Variants in CERS6 observed in about 807,000 individuals in gnomAD.
CERS6 encodes ceramide synthase 6, also known as LAG1 homolog, ceramide synthase 6.
In CERS6, 26 loss-of-function variants were observed where a neutral mutation model predicts 56.8. The ratio of observed to expected loss-of-function variants is 0.46; its 90% CI spans 0.34 to 0.63. CERS6 has a LOEUF of 0.63. CERS6 is among the 30% of genes least tolerant of loss of function. The pLI is 0.01. For missense variants in CERS6, 415 were observed against 467.5 expected (o/e 0.89, Z 1.04); for synonymous variants, 164 against 173.3 (o/e 0.95, Z 0.42).
In CERS6 at chr2:168,771,210, C is replaced by G. The variant is rs1684853451; in HGVS notation, c.*1548C>G. 1 of 152,138 alleles carries G rather than the reference C, an allele frequency of 6.6e-6. No homozygotes were observed. Among genetic ancestry groups the G allele is most frequent in the Non-Finnish European group, 1.5e-5 (1 of 68,026 alleles). The allele number at this position is 152,138 out of a possible 1,614,324, so 9.4% of individuals were successfully genotyped here. A position where few individuals can be genotyped will look rare whatever the true frequency, so the allele number is the denominator to read the frequency against. ...TGCAGAAACACCAGAGAGTGCGTAT[C>G]CTGCTCAGAACCATTCACATTTAAT... is the stretch of plus-strand genomic sequence containing the variant. On this transcript the variant is annotated 3_prime_UTR_variant, in exon 10 of 10. Transcript: ENST00000305747.
At chr2:168,592,708 T>C (rs1683704317) in intron 3 of CERS6, among the ~76,000 whole-genome samples, 1 of 152,104 alleles carries the variant, frequency 6.6e-6, no homozygotes, top group South Asian at 2.1e-4. Flanking sequence ...CCTCAGCTGT[T>C]ACGCTGCTGT....
intron 1 of CERS6, among the ~76,000 whole-genome samples, chr2:168,488,796 A>G (rs539815625): frequency 1.1e-4 from 17 of 152,232 alleles, no homozygotes; most frequent in Admixed American, 7.8e-4. Context: ...TTAATGTTAT[A>G]TTCTTTAAGT....
chr2:168,686,702 G>T (rs767523988), intron 4 of CERS6, among the ~76,000 whole-genome samples: 31 of 152,180 alleles, frequency 2.0e-4, no homozygotes, highest in Non-Finnish European at 3.8e-4. Context: ...AGTACCCAGC[G>T]GAAGGCACAG....
intron 4 of CERS6, among the ~76,000 whole-genome samples, chr2:168,657,489 G>A (rs1324103727): frequency 6.6e-6 from 1 of 152,252 alleles, no homozygotes; most frequent in African/African-American, 2.4e-5. Context: ...TGGAGCAGGG[G>A]GTGGAGCTCG....
chr2:168,752,964 C>G (rs1684318976), intron 8 of CERS6, among the ~76,000 whole-genome samples: 1 of 152,086 alleles, frequency 6.6e-6, no homozygotes, highest in South Asian at 2.1e-4. Flanking sequence ...GAGAAGAATG[C>G]ATCTATACAA....
At chr2:168,512,841 T>C (rs1255786608) in intron 1 of CERS6, among the ~76,000 whole-genome samples, 1 of 152,030 alleles carries the variant, frequency 6.6e-6, no homozygotes, top group Non-Finnish European at 1.5e-5. Flanking sequence ...CTAAGTTTTG[T>C]ATTTTTAGTA....
intron 6 of CERS6, among the ~76,000 whole-genome samples, chr2:168,710,703 T>G (rs1687068172): frequency 6.6e-6 from 1 of 152,194 alleles, no homozygotes; most frequent in South Asian, 2.1e-4. Context: ...TTTGGTATTG[T>G]CTAACTTTAA....
chr2:168,588,099 G>A (rs1395076704), intron 3 of CERS6, among the ~76,000 whole-genome samples: 1 of 133,924 alleles, frequency 7.5e-6, no homozygotes, highest in African/African-American at 2.8e-5. Flanking sequence ...TTTTTTTTTG[G>A]TAGAGATGGG....
intron 8 of CERS6, among the ~76,000 whole-genome samples, chr2:168,725,211 C>T (rs1372120517): frequency 6.6e-6 from 1 of 152,268 alleles, no homozygotes; most frequent in East Asian, 1.9e-4. Flanking sequence ...CCGCCAAGCC[C>T]ACGCCCACCC....
chr2:168,481,966 T>A (rs1694185436), intron 1 of CERS6, among the ~76,000 whole-genome samples: 1 of 152,352 alleles, frequency 6.6e-6, no homozygotes, highest in South Asian at 2.1e-4. Flanking sequence ...TCAGAGGAAA[T>A]CTTTAAAAAC....
At chr2:168,737,436 CTCT>C (rs1342439576) in intron 8 of CERS6, among the ~76,000 whole-genome samples, 1 of 152,140 alleles carries the variant, frequency 6.6e-6, no homozygotes, top group East Asian at 1.9e-4. Context: ...AAAGTGCTAC[CTCT>C]TTCAAATTCT....
intron 3 of CERS6, among the ~76,000 whole-genome samples, chr2:168,594,038 C>T (rs372098504): frequency 1.3e-4 from 20 of 152,234 alleles, no homozygotes; most frequent in Admixed American, 5.9e-4. Context: ...TAAAAACTTT[C>T]AAAATTATTT....
In CERS6 at chr2:168,704,217, G is replaced by C. The variant is rs533896342; in HGVS notation, c.609+9166G>C. On this transcript the variant is annotated intron_variant, in intron 6 of 9. Coordinates refer to ENST00000305747, the MANE Select transcript of CERS6 (RefSeq NM_203463.3). ...GACTCAGCCACATACTGTAATTCAG[G>C]GTGCAGAAGAGTGACGACCAGGAGC... is the stretch of plus-strand genomic sequence containing the variant. 2.0e-5 allele frequency among the ~76,000 whole-genome samples: 3 copies of C among 152,212 alleles called. 1 individual carries two copies. The highest frequency in any genetic ancestry group is 6.5e-5 in the Admixed American group (1 of 15,296).
chr2:168,656,329 T>A (rs1284223801), intron 4 of CERS6, among the ~76,000 whole-genome samples: 1 of 152,210 alleles, frequency 6.6e-6, no homozygotes, highest in Non-Finnish European at 1.5e-5. Flanking sequence ...ACTGATGTGG[T>A]ATGTGATATT....
intron 2 of CERS6, 36 bp downstream of exon 2, chr2:168,547,737 C>T (rs552655222): frequency 5.0e-5 from 68 of 1,365,156 alleles, no homozygotes; most frequent in South Asian, 3.7e-4. Flanking sequence ...AGATTGTCCC[C>T]GGTCACCATT....
intron 3 of CERS6, among the ~76,000 whole-genome samples, chr2:168,618,628 C>T (rs1684378299): frequency 6.6e-6 from 1 of 152,174 alleles, no homozygotes; most frequent in Non-Finnish European, 1.5e-5. Flanking sequence ...ACCCCTTTTA[C>T]AGTAGCTGCA....
intron 4 of CERS6, 31 bp from the exon 5 acceptor site, chr2:168,690,991 CATGTTCTAAAAT>C: frequency 6.4e-7 from 1 of 1,556,046 alleles, no homozygotes; most frequent in East Asian, 2.2e-5. Context: ...TCCTCTTATC[CATGTTCTAAAAT>C]ATGTAAAATA....
chr2:168,480,510 A>G (rs1694159261), intron 1 of CERS6, among the ~76,000 whole-genome samples: 1 of 152,212 alleles, frequency 6.6e-6, no homozygotes, highest in Non-Finnish European at 1.5e-5. Context: ...CTCATCCAAG[A>G]TCATACAGTG....
At chr2:168,470,364 T>G (rs780529225) in intron 1 of CERS6, among the ~76,000 whole-genome samples, 122 of 152,114 alleles carry the variant, frequency 8.0e-4, no homozygotes, top group Non-Finnish European at 1.2e-3. Context: ...CTTCTCTGTC[T>G]CGCCCTAAGG....
Sources: allele counts gnomAD v4.1 joint callset (sites outside exome capture counted in the v4.1 genomes callset), GRCh38; gene constraint gnomAD v4.1.1; transcripts MANE v1.5; gene names NCBI Gene and HGNC (gene_info 2026-07-23, HGNC 2026-07-21).